Variants in GSTA1 observed in about 807,000 individuals in gnomAD.
The protein encoded by GSTA1 is glutathione S-transferase A1.
GSTA1 carries 23 observed loss-of-function variants against 21.5 expected under a neutral mutation model. The observed-to-expected ratio is 1.07, with a 90% CI of 0.77 to 1.52. The LOEUF (loss-of-function observed/expected upper bound fraction) is 1.52. Ranked by LOEUF, GSTA1 falls within the 40% of genes most tolerant of loss-of-function variation. The pLI, the probability that GSTA1 is intolerant of heterozygous loss-of-function variation, is 0.00. For synonymous variants in GSTA1, 125 were observed against 90.0 expected, an observed-to-expected ratio of 1.39 and a Z score of -2.20; for missense variants, 301 against 264.2, an observed-to-expected ratio of 1.14 and a Z score of -0.96.
intron 3 of GSTA1, among the ~76,000 whole-genome samples, chr6:52,796,543 A>ATATATTTTTTTTTTT (rs1300549721): frequency 4.2e-5 from 1 of 23,760 alleles, no homozygotes; most frequent in Non-Finnish European, 1.1e-4. Flanking sequence ...ATATATATAT[A>ATATATTTTTTTTTTT]TTTTTTTTTT....
At position 52,792,880 on chromosome 6, in the gene GSTA1, A is replaced by G; in HGVS notation, c.522T>C (p.Leu174=). 1 of 1,614,008 alleles carries G rather than the reference A, an allele frequency of 6.2e-7. No individual in the cohort carries two copies. The highest frequency in any genetic ancestry group is 8.5e-7 in the Non-Finnish European group (1 of 1,179,936). Residue 174 remains leucine (L), a synonymous_variant, in exon 6 of 7, where the codon CTT becomes CTC. Coordinates refer to ENST00000334575, the MANE Select transcript of GSTA1 (RefSeq NM_145740.5). The part of the protein sequence containing the change: ...LYYVEELDSS[L]ISSFPLLKAL... The stretch of plus-strand genomic sequence containing the variant: ...CCTTCAGCAGAGGGAAGCTGGAGAT[A>G]AGACTGGAGTCAAGCTCCTCGACGT...
In GSTA1 at chr6:52,791,955, A is replaced by G. The variant is rs1411686698; in HGVS notation, c.572T>C (p.Leu191Pro). ...CTGTAGAAACTTCTTCACTGTGGGC[A>G]GGTTGCTGATTCTGGTTTTCAGGGC... Reference protein sequence around the residue: ...LKALKTRISNLPTVKKFLQPG... With the variant: ...LKALKTRISNPPTVKKFLQPG... The change falls in exon 7 of 7, where the codon CTG becomes CCG. Residue 191 changes from leucine to proline, a missense_variant. By Grantham distance (98) the Leu-to-Pro change is moderately conservative. Coordinates refer to ENST00000334575, the MANE Select transcript of GSTA1 (RefSeq NM_145740.5). 1.5e-5 allele frequency: 25 copies of G among 1,613,998 alleles called. No homozygotes were observed. The highest frequency in any genetic ancestry group is 2.0e-5 in the Non-Finnish European group (24 of 1,179,860).
In GSTA1 at chr6:52,793,069, G is replaced by A. The variant is rs952438921; in HGVS notation, c.415-82C>T. ...GCTTCTTTCGGAGCCTCTCCACCCT[G>A]ACTTTCCCCACCTCTGTTGCCTTAC... On this transcript the variant is annotated intron_variant, in intron 5 of 6. Transcript: ENST00000334575. 66 of 1,597,918 alleles carry A rather than the reference G, an allele frequency of 4.1e-5. No homozygotes were observed. The African/African-American group carries it at 6.8e-4, about 17-fold the overall frequency.
At chr6:52,799,408 A>C (rs1010193760) in intron 1 of GSTA1, 111 bp from the exon 2 acceptor site, 2 of 706,880 alleles carry the variant, frequency 2.8e-6, no homozygotes, top group African/African-American at 3.7e-5. Context: ...TTCCTTCTTC[A>C]TGACTGTGTT....
At chr6:52,796,565 G>A (rs192776557) in intron 3 of GSTA1, among the ~76,000 whole-genome samples, 2,115 of 54,816 alleles carry the variant, frequency 0.039, 123 homozygotes, top group African/African-American at 0.11. Flanking sequence ...TTTTTTTTTG[G>A]CAGAGTATCA....
chr6:52,796,469 ATATATATATATATATATATATGTGTG>A (rs879194190), intron 3 of GSTA1, among the ~76,000 whole-genome samples, 155 bp from the exon 4 acceptor site: 5,417 of 63,764 alleles, frequency 0.085, 1,207 homozygotes, highest in Non-Finnish European at 0.11. Context: ...ATATATATAT[ATATATATATATATATATATATGTGTG>A]TGTGTGTGTG....
intron 4 of GSTA1, 118 bp downstream of exon 4, chr6:52,796,064 A>C: frequency 6.8e-7 from 1 of 1,473,174 alleles, no homozygotes; most frequent in South Asian, 1.2e-5. Context: ...CTCAGCGTAC[A>C]TGCCCAAGGC....
intron 3 of GSTA1, 53 bp downstream of exon 3, chr6:52,797,533 C>T (rs1581796445): frequency 1.5e-5 from 21 of 1,420,576 alleles, no homozygotes; most frequent in Middle Eastern, 1.8e-4. Context: ...CAAACCTCCC[C>T]GTGTACCTTC....
At chr6:52,795,248 A>G (rs1011585016) in intron 4 of GSTA1, among the ~76,000 whole-genome samples, 3 of 152,048 alleles carry the variant, frequency 2.0e-5, no homozygotes, top group African/African-American at 7.2e-5. Flanking sequence ...TGTTTCTTTT[A>G]TGTAACATGT....
In GSTA1 at chr6:52,798,315, T is replaced by TC. The variant is rs751889828; in HGVS notation, c.88-679dup. Reference sequence around the variant, plus strand: ...GGAATGCTTGTGTGTTCTAGAAGCCTCCTCCCCTCATTTTAACCACGTGTT... The same window carrying TC: ...GGAATGCTTGTGTGTTCTAGAAGCCTCCCTCCCCTCATTTTAACCACGTGTT... On this transcript the variant is annotated intron_variant, in intron 2 of 6. Coordinates refer to ENST00000334575, the MANE Select transcript of GSTA1 (RefSeq NM_145740.5). 3.9e-4 allele frequency among the ~76,000 whole-genome samples: 56 copies of TC among 141,924 alleles called. No homozygotes were observed. The East Asian group carries it at 8.1e-3, about 21-fold the overall frequency. 93.1% of individuals were successfully genotyped at this position (141,924 alleles called of 152,430 possible).
chr6:52,792,057 C>G, intron 6 of GSTA1, 77 bp from the exon 7 acceptor site: 1 of 1,592,340 alleles, frequency 6.3e-7, no homozygotes, highest in Non-Finnish European at 8.5e-7. Context: ...GGAATCTGAG[C>G]CCCTCCTGCA....
intron 3 of GSTA1, among the ~76,000 whole-genome samples, chr6:52,796,543 A>ATTTTTTTTTTTTTTT (rs34109072): frequency 4.2e-5 from 1 of 23,758 alleles, no homozygotes; most frequent in East Asian, 9.6e-4. Context: ...ATATATATAT[A>ATTTTTTTTTTTTTTT]TTTTTTTTTT....
intron 2 of GSTA1, among the ~76,000 whole-genome samples, chr6:52,798,949 T>G (rs1763648462): frequency 6.6e-6 from 1 of 152,264 alleles, no homozygotes; most frequent in African/African-American, 2.4e-5. Context: ...CTAATCCACT[T>G]AAGTTCTGCA....
chr6:52,800,449 A>G (rs1244132588), intron 1 of GSTA1, among the ~76,000 whole-genome samples: 1 of 152,268 alleles, frequency 6.6e-6, no homozygotes, highest in Non-Finnish European at 1.5e-5. Flanking sequence ...TGAGCATGAC[A>G]TGTTGAAAGG....
intron 1 of GSTA1, 50 bp from the exon 2 acceptor site, chr6:52,799,347 T>C: frequency 2.3e-6 from 3 of 1,292,500 alleles, no homozygotes; most frequent in Non-Finnish European, 3.3e-6. Context: ...GAATCAAAAA[T>C]GTACTTTAGG....
chr6:52,793,097 C>A, intron 5 of GSTA1, 110 bp from the exon 6 acceptor site: 1 of 1,476,926 alleles, frequency 6.8e-7, no homozygotes, highest in Non-Finnish European at 9.4e-7. Context: ...TGCCTTACTG[C>A]ATGGGTGCAG....
At chr6:52,793,253 C>T (rs563034727) in intron 5 of GSTA1, among the ~76,000 whole-genome samples, 2 of 152,174 alleles carry the variant, frequency 1.3e-5, no homozygotes, top group Non-Finnish European at 2.9e-5. Context: ...CAGCTTGCTT[C>T]TTCCACATGG....
chr6:52,799,166 T>C lies in GSTA1; in HGVS notation c.87+15A>G. 2 of 1,611,264 alleles carry C rather than the reference T, an allele frequency of 1.2e-6. No individual in the cohort carries two copies. The highest frequency in any genetic ancestry group is 1.3e-5 in the African/African-American group (1 of 74,962). ...ATTTTAAATCCAACTTAAGATGACC[T>C]AACTCAGAACCTACCTCTACTCCAG... On this transcript the variant is annotated intron_variant, in intron 2 of 6. Transcript: ENST00000334575.
chr6:52,802,943 T>A (rs1763750244), intron 1 of GSTA1, among the ~76,000 whole-genome samples: 1 of 152,128 alleles, frequency 6.6e-6, no homozygotes, highest in East Asian at 1.9e-4. Flanking sequence ...TCAGTGAATG[T>A]CCAAGCAGTG....
Sources: allele counts gnomAD v4.1 joint callset (sites outside exome capture counted in the v4.1 genomes callset), GRCh38; gene constraint gnomAD v4.1.1; transcripts MANE v1.5; gene names NCBI Gene and HGNC (gene_info 2026-07-23, HGNC 2026-07-21).